FHIT: variants seen among roughly 807,000 people sequenced by gnomAD.
The protein encoded by FHIT is fragile histidine triad diadenosine triphosphatase.
FHIT carries 19 observed loss-of-function variants against 17.9 expected under a neutral mutation model. The observed-to-expected ratio is 1.06, with a 90% CI of 0.74 to 1.56. The LOEUF (loss-of-function observed/expected upper bound fraction) is 1.56. FHIT is among the 40% of genes most tolerant of loss of function. The probability of loss-of-function intolerance (pLI) is 0.00; values close to 1 mark genes in which losing one functional copy is unlikely to be tolerated. For missense variants in FHIT, 248 were observed against 189.2 expected (o/e 1.31, Z -1.82); for synonymous variants, 81 against 69.7 (o/e 1.16, Z -0.81).
At chr3:60,427,852 C>T (rs1328360351) in intron 5 of FHIT, among the ~76,000 whole-genome samples, 1 of 152,074 alleles carries the variant, frequency 6.6e-6, no homozygotes, top group Non-Finnish European at 1.5e-5. Flanking sequence ...GCCCCATCTA[C>T]CTCTTGCTCA....
intron 7 of FHIT, among the ~76,000 whole-genome samples, chr3:59,993,844 A>G (rs1699392999): frequency 6.6e-6 from 1 of 151,992 alleles, no homozygotes; most frequent in Non-Finnish European, 1.5e-5. Context: ...CTCATCTTTA[A>G]CATGGGGATA....
At chr3:60,500,516 T>C (rs1288685482) in intron 5 of FHIT, among the ~76,000 whole-genome samples, 1 of 151,990 alleles carries the variant, frequency 6.6e-6, no homozygotes, top group African/African-American at 2.4e-5. Flanking sequence ...ACGCCTGTAA[T>C]CCCAGCACTT....
At chr3:60,008,393 T>G (rs2064414175) in intron 7 of FHIT, among the ~76,000 whole-genome samples, 1 of 152,176 alleles carries the variant, frequency 6.6e-6, no homozygotes, top group African/African-American at 2.4e-5. Flanking sequence ...TACTTTGATA[T>G]TTCCCTTTCC....
At chr3:60,866,793 A>T (rs1704183066) in intron 3 of FHIT, among the ~76,000 whole-genome samples, 2 of 152,172 alleles carry the variant, frequency 1.3e-5, no homozygotes, top group Admixed American at 6.6e-5. Flanking sequence ...AGATATAATT[A>T]TCTTACCATC....
At chr3:60,068,843 C>T (rs771062787) in intron 5 of FHIT, among the ~76,000 whole-genome samples, 13 of 152,136 alleles carry the variant, frequency 8.5e-5, no homozygotes, top group Non-Finnish European at 1.5e-4. Context: ...AAAAATTAGA[C>T]GGTCCTAAGA....
chr3:60,125,482 A>G (rs952739569), intron 5 of FHIT, among the ~76,000 whole-genome samples: 6 of 151,994 alleles, frequency 3.9e-5, no homozygotes, highest in Admixed American at 2.0e-4. Context: ...AAATACAGAA[A>G]TAAGCCAGGT....
At chr3:61,062,536 A>G (rs1361587578) in intron 2 of FHIT, among the ~76,000 whole-genome samples, 1 of 152,218 alleles carries the variant, frequency 6.6e-6, no homozygotes, top group East Asian at 1.9e-4. Context: ...AAATAAGAAT[A>G]GAATAAAAAA....
At chr3:60,956,003 C>T (rs1553778739) in intron 3 of FHIT, among the ~76,000 whole-genome samples, 1 of 152,134 alleles carries the variant, frequency 6.6e-6, no homozygotes, top group African/African-American at 2.4e-5. Context: ...AGAATAGATA[C>T]AACTACTTTT....
rs1378538733 is a variant in FHIT at position 60,117,494 on chromosome 3, T to TG, written c.104-103343_104-103342insC. ...GACCCAAAGTCTATTACTTCCTATC[T>TG]AAAAAAAAAAAAAAAAAAAAAAAAA... is the stretch of plus-strand genomic sequence containing the variant. On this transcript the variant is annotated intron_variant, in intron 5 of 9. Coordinates refer to ENST00000492590, the MANE Select transcript of FHIT (RefSeq NM_002012.4). Among the ~76,000 whole-genome samples, 50 of 86,804 alleles carry TG rather than the reference T, an allele frequency of 5.8e-4. No individual in the cohort carries two copies. In the East Asian group the frequency reaches 7.0e-3, roughly 12 times the overall value. The allele number at this position is 86,804 out of a possible 152,430, so 56.9% of individuals were successfully genotyped here. A position where few individuals can be genotyped will look rare whatever the true frequency, so the allele number is the denominator to read the frequency against.
At chr3:60,429,040 A>C (rs1702777625) in intron 5 of FHIT, among the ~76,000 whole-genome samples, 1 of 152,042 alleles carries the variant, frequency 6.6e-6, no homozygotes, top group African/African-American at 2.4e-5. Flanking sequence ...CAAAACTTCA[A>C]ACCACCTTAC....
intron 8 of FHIT, among the ~76,000 whole-genome samples, chr3:59,771,950 T>C (rs1702091442): frequency 6.6e-6 from 1 of 152,154 alleles, no homozygotes. Flanking sequence ...CCCTCAGGGA[T>C]CCATGAGTCA....
At chr3:60,382,085 G>C (rs1196161209) in intron 5 of FHIT, among the ~76,000 whole-genome samples, 3 of 152,158 alleles carry the variant, frequency 2.0e-5, no homozygotes, top group African/African-American at 4.8e-5. Context: ...GGCTAGCCTA[G>C]AGTAACATTT....
chr3:60,318,106 T>A (rs1253460044), intron 5 of FHIT, among the ~76,000 whole-genome samples: 2 of 152,112 alleles, frequency 1.3e-5, no homozygotes, highest in East Asian at 1.9e-4. Flanking sequence ...TCTGGGCATC[T>A]TAAACAAAAG....
chr3:60,849,441 A>AATATATATATATATATATAGATAT (rs1703053566), intron 3 of FHIT, among the ~76,000 whole-genome samples: 1 of 137,702 alleles, frequency 7.3e-6, no homozygotes, highest in African/African-American at 2.7e-5. Flanking sequence ...ACAAAAATGA[A>AATATATATATATATATATAGATAT]ATATATATAT....
At chr3:60,696,048 C>G (rs1553700570) in intron 4 of FHIT, among the ~76,000 whole-genome samples, 1 of 151,970 alleles carries the variant, frequency 6.6e-6, no homozygotes, top group African/African-American at 2.4e-5. Flanking sequence ...AATTCTAGCT[C>G]TTTTACATAT....
intron 4 of FHIT, among the ~76,000 whole-genome samples, chr3:60,665,809 C>A (rs2040369064): frequency 6.6e-6 from 1 of 152,034 alleles, no homozygotes; most frequent in African/African-American, 2.4e-5. Context: ...TATACCATTT[C>A]ATTACTTGTT....
chr3:60,011,448 C>A, intron 6 of FHIT, 48 bp from the exon 7 acceptor site: 1 of 1,482,270 alleles, frequency 6.7e-7, no homozygotes, highest in Non-Finnish European at 9.4e-7. Context: ...TAGATGGTAT[C>A]TCCTGCTTAT....
Position 60,521,336 on chromosome 3 carries a change from CT to C in FHIT, c.103+15523del, listed in dbSNP as rs532219842. On this transcript the variant is annotated intron_variant, in intron 5 of 9. Transcript: ENST00000492590. Reference sequence around the variant, plus strand: ...GATCTCGGCTCACTGCAAGCTCCGCCTCCCAGATTCACGCCATTCTCCTGCC... The same window carrying C: ...GATCTCGGCTCACTGCAAGCTCCGCCCCCAGATTCACGCCATTCTCCTGCC... Among the ~76,000 whole-genome samples the C allele has an allele frequency of 1.9e-3, 287 of 152,212 alleles. 3 individuals carry two copies. The highest frequency in any genetic ancestry group is 6.8e-3 in the Middle Eastern group (2 of 294).
At chr3:59,960,085 G>T (rs527375948) in intron 7 of FHIT, among the ~76,000 whole-genome samples, 1 of 152,150 alleles carries the variant, frequency 6.6e-6, no homozygotes, top group South Asian at 2.1e-4. Context: ...GGTGCATAGG[G>T]TGGCAGTGGA....
Sources: gnomAD v4.1 joint callset for allele counts (sites outside exome capture counted in the v4.1 genomes callset) on GRCh38, gnomAD v4.1.1 for gene constraint, MANE v1.5 for transcripts, NCBI Gene and HGNC (gene_info 2026-07-23, HGNC 2026-07-21) for gene names.